Variants in C2orf76 observed in about 807,000 individuals in gnomAD.
C2orf76 encodes UPF0538 protein C2orf76.
C2orf76 carries 23 observed loss-of-function variants against 16.9 expected under a neutral mutation model. That is an observed-to-expected ratio of 1.36 (90% CI 0.98 to 1.93). The LOEUF (loss-of-function observed/expected upper bound fraction) is 1.93, where lower values mean the gene tolerates loss of function less well. Among genes scored for constraint, C2orf76 ranks in the 30% most tolerant of loss-of-function variants. The pLI is 0.00. For synonymous variants in C2orf76, 48 were observed against 52.3 expected (o/e 0.92, Z 0.35); for missense variants, 152 against 152.6 (o/e 1.00, Z 0.02).
intron 4 of C2orf76, among the ~76,000 whole-genome samples, chr2:119,313,454 G>A (rs1679062756): frequency 6.6e-6 from 1 of 151,792 alleles, no homozygotes; most frequent in Admixed American, 6.6e-5. Flanking sequence ...TAATTAGCTG[G>A]GTGTGGTGGC....
chr2:119,352,724 T>C (rs887475523), intron 1 of C2orf76, among the ~76,000 whole-genome samples: 1 of 152,206 alleles, frequency 6.6e-6, no homozygotes, highest in African/African-American at 2.4e-5. Context: ...TTTACTCAAA[T>C]AAATGCTGCT....
chr2:119,296,001 T>C, the C2orf76 span, among the ~76,000 whole-genome samples: 2 of 152,212 alleles, frequency 1.3e-5, no homozygotes, highest in Non-Finnish European at 2.9e-5. Context: ...GAAACTCTTA[T>C]GCTCATATTC....
At chr2:119,340,755 T>TACACACACACACACACACAC (rs60777590) in intron 1 of C2orf76, among the ~76,000 whole-genome samples, 1 of 140,284 alleles carries the variant, frequency 7.1e-6, no homozygotes, top group African/African-American at 2.6e-5. Context: ...TGCTTTCTAA[T>TACACACACACACACACACAC]ACACACACAC....
At chr2:119,288,301 C>T in the C2orf76 span, among the ~76,000 whole-genome samples, 3,186 of 151,924 alleles carry the variant, frequency 0.021, 101 homozygotes, top group African/African-American at 0.071. Flanking sequence ...GGACTACAGG[C>T]GCCTGCCACT....
intron 2 of C2orf76, among the ~76,000 whole-genome samples, chr2:119,324,717 C>T (rs182847629): frequency 2.9e-4 from 44 of 152,306 alleles, no homozygotes; most frequent in Non-Finnish European, 5.3e-4. Context: ...CAGAACCCTG[C>T]CCTCTCGACT....
At chr2:119,354,651 C>G (rs1470053844) in intron 1 of C2orf76, among the ~76,000 whole-genome samples, 1 of 152,084 alleles carries the variant, frequency 6.6e-6, no homozygotes, top group African/African-American at 2.4e-5. Flanking sequence ...ATGAAAGCAC[C>G]ATTATTCTAG....
At chr2:119,289,222 T>C in the C2orf76 span, among the ~76,000 whole-genome samples, 36,195 of 151,940 alleles carry the variant, frequency 0.24, 4,744 homozygotes, top group Middle Eastern at 0.34. Flanking sequence ...ATGTGCGCTA[T>C]GTCAGGAGGT....
intron 1 of C2orf76, among the ~76,000 whole-genome samples, chr2:119,358,751 A>G (rs749486623): frequency 6.6e-6 from 1 of 152,124 alleles, no homozygotes; most frequent in Admixed American, 6.5e-5. Flanking sequence ...AGAAAGCTAT[A>G]TAAGAAGAGT....
chr2:119,340,047 A>C, intron 1 of C2orf76, 76 bp from the exon 2 acceptor site: 7 of 1,482,864 alleles, frequency 4.7e-6, no homozygotes, highest in East Asian at 2.3e-5. Context: ...CTGCATCTCT[A>C]TCAGCTCTCT....
chr2:119,283,600 G>A, the C2orf76 span, among the ~76,000 whole-genome samples: 1 of 152,048 alleles, frequency 6.6e-6, no homozygotes, highest in African/African-American at 2.4e-5. Context: ...CCAGCCTCTG[G>A]AGTAGCTGAG....
intron 4 of C2orf76, among the ~76,000 whole-genome samples, chr2:119,316,110 A>G (rs779049036): frequency 2.0e-5 from 3 of 152,192 alleles, no homozygotes; most frequent in Non-Finnish European, 4.4e-5. Context: ...TTATATTTGT[A>G]TTTGTATTTT....
intron 2 of C2orf76, among the ~76,000 whole-genome samples, chr2:119,336,119 G>T (rs760529702): frequency 2.4e-4 from 36 of 152,054 alleles, no homozygotes; most frequent in Non-Finnish European, 5.0e-4. Flanking sequence ...CCCAGGCCAG[G>T]TACAGTGACT....
chr2:119,339,280 T>C (rs918413901), intron 2 of C2orf76, among the ~76,000 whole-genome samples: 17 of 152,302 alleles, frequency 1.1e-4, no homozygotes, highest in Admixed American at 9.8e-4. Flanking sequence ...TAATTAAAAA[T>C]GGAGAAGAGA....
chr2:119,328,010 A>G (rs2104579447), intron 2 of C2orf76, among the ~76,000 whole-genome samples: 1 of 152,188 alleles, frequency 6.6e-6, no homozygotes, highest in East Asian at 1.9e-4. Flanking sequence ...AATGAGTTGA[A>G]AAATATTCTG....
chr2:119,295,565 C>T, the C2orf76 span, among the ~76,000 whole-genome samples: 336 of 152,092 alleles, frequency 2.2e-3, 1 homozygote, highest in African/African-American at 7.7e-3. Context: ...GGAGTCACAG[C>T]CTTAAGAGTG....
At chr2:119,322,117 T>C (rs1679364204) in intron 2 of C2orf76, among the ~76,000 whole-genome samples, 1 of 151,468 alleles carries the variant, frequency 6.6e-6, no homozygotes, top group Non-Finnish European at 1.5e-5. Flanking sequence ...TGTGTATATA[T>C]GTGTATATAT....
chr2:119,352,249 A>AAAG (rs1680430770), intron 1 of C2orf76, among the ~76,000 whole-genome samples: 1 of 152,206 alleles, frequency 6.6e-6, no homozygotes, highest in Non-Finnish European at 1.5e-5. Flanking sequence ...AAGCATATAT[A>AAAG]CTCCCTAAAT....
intron 2 of C2orf76, among the ~76,000 whole-genome samples, chr2:119,321,934 C>G (rs1260688640): frequency 6.6e-6 from 1 of 151,662 alleles, no homozygotes; most frequent in Non-Finnish European, 1.5e-5. Context: ...TTAGTGGAAA[C>G]CAATGATCTA....
At chr2:119,336,997 T>C (rs2104597275) in intron 2 of C2orf76, among the ~76,000 whole-genome samples, 1 of 152,320 alleles carries the variant, frequency 6.6e-6, no homozygotes, top group South Asian at 2.1e-4. Flanking sequence ...CCTGGGTTGA[T>C]TTGCAGCTTT....
Sources: gnomAD v4.1 joint callset for allele counts (sites outside exome capture counted in the v4.1 genomes callset) on GRCh38, gnomAD v4.1.1 for gene constraint, MANE v1.5 for transcripts, NCBI Gene and HGNC (gene_info 2026-07-23, HGNC 2026-07-21) for gene names.